The following CNOT6 variants were observed in gnomAD, a reference collection of about 807,000 sequenced individuals.
CNOT6 encodes the protein carbon catabolite repression 4 protein.
A neutral mutation model predicts 61.2 loss-of-function variants in CNOT6; 12 were observed. The observed-to-expected ratio is 0.20, with a 90% confidence interval of 0.13 to 0.32. The LOEUF (loss-of-function observed/expected upper bound fraction) is 0.32. CNOT6 is among the 10% of genes least tolerant of loss of function. The pLI, the probability that CNOT6 is intolerant of heterozygous loss-of-function variation, is 1.00. For missense variants in CNOT6, 405 were observed against 663.9 expected, an observed-to-expected ratio of 0.61 and a Z score of 4.28; for synonymous variants, 225 against 240.6, an observed-to-expected ratio of 0.94 and a Z score of 0.60.
chr5:180,567,626 C>T (rs1378845285), intron 8 of CNOT6, among the ~76,000 whole-genome samples: 1 of 152,170 alleles, frequency 6.6e-6, no homozygotes, highest in Non-Finnish European at 1.5e-5. Flanking sequence ...ACATTTTCTT[C>T]AGTTGTAAAA....
intron 2 of CNOT6, among the ~76,000 whole-genome samples, chr5:180,533,411 A>G (rs906709494): frequency 3.3e-5 from 5 of 150,562 alleles, no homozygotes; most frequent in African/African-American, 1.2e-4. Flanking sequence ...ATTTATTGTT[A>G]TTATTATTAT....
At position 180,537,039 on chromosome 5, in the gene CNOT6, C is replaced by A. The variant is rs76597947; in HGVS notation, c.112+7651C>A. On this transcript the variant is annotated intron_variant, in intron 2 of 11. Coordinates refer to ENST00000261951, the MANE Select transcript of CNOT6 (RefSeq NM_001370472.1). ...TTGTCTGGATGTACCAGTTTATTTACCCAGTCACCTACTGAAGGACATCTT... is the reference window on the plus strand; with the variant it reads ...TTGTCTGGATGTACCAGTTTATTTAACCAGTCACCTACTGAAGGACATCTT... Among the ~76,000 whole-genome samples the A allele has an allele frequency of 1.5e-3, 227 of 152,294 alleles. 3 individuals carry two copies. Among genetic ancestry groups the A allele is most frequent in the African/African-American group, 5.0e-3 (209 of 41,566 alleles).
intron 2 of CNOT6, among the ~76,000 whole-genome samples, chr5:180,530,850 C>T (rs1378532806): frequency 2.6e-5 from 4 of 152,142 alleles, no homozygotes; most frequent in Admixed American, 6.5e-5. Context: ...CCTGAGTGGA[C>T]ACAGCACATG....
intron 1 of CNOT6, among the ~76,000 whole-genome samples, chr5:180,516,853 C>T (rs1242886838): frequency 6.6e-6 from 1 of 152,192 alleles, no homozygotes; most frequent in Non-Finnish European, 1.5e-5. Flanking sequence ...CCCACATTCT[C>T]ATTTTATCTG....
Position 180,496,613 on chromosome 5 carries a change from G to T in CNOT6, c.-3+1850G>T, listed in dbSNP as rs560605920. On this transcript the variant is annotated intron_variant, in intron 1 of 11. Transcript: ENST00000261951. ...GCGCTTTGGGAGGTTGAGGAAGGAGGATGGCTTGAGCCCAGGTGTTTGAGA... is the reference window on the plus strand; with the variant it reads ...GCGCTTTGGGAGGTTGAGGAAGGAGTATGGCTTGAGCCCAGGTGTTTGAGA... Among the ~76,000 whole-genome samples, 13 of 151,792 alleles carry T rather than the reference G, an allele frequency of 8.6e-5. No individual in the cohort carries two copies. The East Asian group carries it at 2.5e-3, about 29-fold the overall frequency.
intron 2 of CNOT6, among the ~76,000 whole-genome samples, chr5:180,533,165 C>G (rs1439643162): frequency 6.6e-5 from 10 of 151,952 alleles, no homozygotes; most frequent in Non-Finnish European, 1.5e-4. Flanking sequence ...TGACGGTCTT[C>G]TGACCCACAG....
chr5:180,505,906 C>T (rs1347375721), intron 1 of CNOT6, among the ~76,000 whole-genome samples: 1 of 152,034 alleles, frequency 6.6e-6, no homozygotes, highest in East Asian at 1.9e-4. Context: ...GTTTTGAGAT[C>T]TGCTGTCTTA....
In CNOT6 at chr5:180,497,814, C is replaced by T. The variant is rs968760563; in HGVS notation, c.-3+3051C>T. Among the ~76,000 whole-genome samples the T allele has an allele frequency of 6.6e-5, 10 of 152,148 alleles. No homozygotes were observed. The East Asian group carries it at 1.5e-3, about 24-fold the overall frequency. ...ATCCCAGCACTTTGGGAGGCCGAGG[C>T]GGGCGGATCACTTGAGGTTAGGAGT... On this transcript the variant is annotated intron_variant, in intron 1 of 11. Transcript: ENST00000261951.
chr5:180,512,034 TTGTAA>T, intron 1 of CNOT6, among the ~76,000 whole-genome samples: 2 of 152,368 alleles, frequency 1.3e-5, no homozygotes, highest in African/African-American at 4.8e-5. Flanking sequence ...CTGTCTTCTC[TTGTAA>T]TGTGTGAAAA....
rs185339184 is a variant in CNOT6 at position 180,499,789 on chromosome 5, A to G, written c.-3+5026A>G. Among the ~76,000 whole-genome samples, 7 of 152,362 alleles carry G rather than the reference A, an allele frequency of 4.6e-5. No homozygotes were observed. The East Asian group carries it at 1.3e-3, about 29-fold the overall frequency. The stretch of plus-strand genomic sequence containing the variant: ...TGGTTTGCTTGTGGAAAGGGATGTC[A>G]GAAAGGTTGCTGCTGGTGAGTTACT... On this transcript the variant is annotated intron_variant, in intron 1 of 11. Coordinates refer to ENST00000261951, the MANE Select transcript of CNOT6 (RefSeq NM_001370472.1).
At chr5:180,522,123 A>G (rs966243887) in intron 1 of CNOT6, among the ~76,000 whole-genome samples, 2 of 152,010 alleles carry the variant, frequency 1.3e-5, no homozygotes, top group Admixed American at 6.6e-5. Context: ...CTGTCTGTCT[A>G]TGTATCTATC....
Position 180,574,765 on chromosome 5 carries a change from AT to A in CNOT6, c.*566del. 6.5e-6 allele frequency: 1 copy of A among 154,232 alleles called. No homozygotes were observed. Among genetic ancestry groups the A allele is most frequent in the Admixed American group, 6.4e-5 (1 of 15,552 alleles). 9.6% of individuals were successfully genotyped at this position (154,232 alleles called of 1,614,324 possible). A position where few individuals can be genotyped will look rare whatever the true frequency, so the allele number is the denominator to read the frequency against. On this transcript the variant is annotated 3_prime_UTR_variant, in exon 12 of 12. Coordinates refer to ENST00000261951, the MANE Select transcript of CNOT6 (RefSeq NM_001370472.1). ...TTTTTTTAAACCTGTTTCATGTGTT[AT>A]AAAGGCCAGCTTGTAAAAGAAGCTG...
intron 1 of CNOT6, among the ~76,000 whole-genome samples, chr5:180,506,770 A>G (rs528395342): frequency 1.3e-5 from 2 of 152,274 alleles, no homozygotes; most frequent in South Asian, 4.1e-4. Flanking sequence ...TAAGATAGGC[A>G]CTGCTTTTAA....
intron 1 of CNOT6, among the ~76,000 whole-genome samples, chr5:180,525,669 G>A (rs1441509325): frequency 6.6e-6 from 1 of 152,094 alleles, no homozygotes; most frequent in Non-Finnish European, 1.5e-5. Context: ...TGTAACAGTG[G>A]GCAAATTGCT....
At chr5:180,538,075 G>A (rs1758809000) in intron 2 of CNOT6, among the ~76,000 whole-genome samples, 2 of 118,064 alleles carry the variant, frequency 1.7e-5, no homozygotes, top group Admixed American at 2.4e-4. Context: ...GTCTCGCTCT[G>A]TTGCTCAGGC....
intron 3 of CNOT6, among the ~76,000 whole-genome samples, chr5:180,551,336 GAC>G (rs1759592952): frequency 1.3e-5 from 2 of 152,124 alleles, no homozygotes; most frequent in African/African-American, 4.8e-5. Flanking sequence ...CAGCCTGGGT[GAC>G]AGAGCAAGAC....
At chr5:180,571,652 A>G (rs1322805515) in intron 11 of CNOT6, among the ~76,000 whole-genome samples, 1 of 152,174 alleles carries the variant, frequency 6.6e-6, no homozygotes. Context: ...TGCAGCTTCA[A>G]CCATGCCGGC....
chr5:180,554,270 C>T (rs981618403), intron 4 of CNOT6, among the ~76,000 whole-genome samples: 1 of 152,200 alleles, frequency 6.6e-6, no homozygotes, highest in Non-Finnish European at 1.5e-5. Flanking sequence ...ATACAAAAGT[C>T]AGCTTGGCAT....
intron 2 of CNOT6, among the ~76,000 whole-genome samples, chr5:180,539,932 G>A (rs1469723817): frequency 1.3e-5 from 2 of 152,118 alleles, no homozygotes; most frequent in Non-Finnish European, 2.9e-5. Context: ...CTTAGAAGAT[G>A]TGACTCAGGG....
Sources: gnomAD v4.1 joint callset for allele counts (sites outside exome capture counted in the v4.1 genomes callset) on GRCh38, gnomAD v4.1.1 for gene constraint, MANE v1.5 for transcripts, NCBI Gene and HGNC (gene_info 2026-07-23, HGNC 2026-07-21) for gene names.